Variants in DPP6 observed in about 807,000 individuals in gnomAD.
DPP6 encodes the protein dipeptidyl peptidase like 6, also known as A-type potassium channel modulatory protein DPP6.
A neutral mutation model predicts 122.6 loss-of-function variants in DPP6; 69 were observed. The observed-to-expected ratio is 0.56, with a 90% confidence interval of 0.46 to 0.69. The LOEUF (loss-of-function observed/expected upper bound fraction) is 0.69. Ranked by LOEUF, DPP6 falls within the 30% of genes least tolerant of loss-of-function variation. The pLI, the probability that DPP6 is intolerant of heterozygous loss-of-function variation, is 0.00. For missense variants in DPP6, 928 were observed against 1,116.9 expected (o/e 0.83, Z 2.41); for synonymous variants, 418 against 433.1 (o/e 0.97, Z 0.43).
chr7:154,882,385 G>A (rs1300718407), intron 21 of DPP6, among the ~76,000 whole-genome samples: 4 of 152,204 alleles, frequency 2.6e-5, no homozygotes, highest in African/African-American at 9.7e-5. Flanking sequence ...CAGAGCATAA[G>A]CATCTCTGTT....
intron 1 of DPP6, among the ~76,000 whole-genome samples, chr7:153,965,563 AGC>A (rs1795658200): frequency 6.6e-6 from 1 of 152,020 alleles, no homozygotes; most frequent in South Asian, 2.1e-4. Flanking sequence ...CCCAGGTTGG[AGC>A]ACAGTGGCGC....
chr7:154,173,691 A>C (rs1797651803), intron 1 of DPP6, among the ~76,000 whole-genome samples: 2 of 152,178 alleles, frequency 1.3e-5, no homozygotes, highest in Non-Finnish European at 2.9e-5. Context: ...GTCAGCTGCC[A>C]CATCTGTGTT....
upstream of DPP6, among the ~76,000 whole-genome samples, chr7:153,885,570 G>C (rs1032596592): frequency 2.6e-5 from 4 of 152,058 alleles, no homozygotes; most frequent in Non-Finnish European, 5.9e-5. Flanking sequence ...CCTTGGTCTT[G>C]GACTTCCAGC....
rs1218098378 is a variant in DPP6 at position 154,519,746 on chromosome 7, T to C, written c.458-20786T>C. Among the ~76,000 whole-genome samples, 10 of 152,228 alleles carry C rather than the reference T, an allele frequency of 6.6e-5. No individual in the cohort carries two copies. The East Asian group carries it at 1.9e-3, about 29-fold the overall frequency. On this transcript the variant is annotated intron_variant, in intron 3 of 25. Transcript: ENST00000377770. ...AAGTCAGAAGGACAAGAGTTGTGTA[T>C]AGACAAGCTTTATCATAGATTCTAC...
At chr7:154,307,410 A>G (rs1389308269) in intron 1 of DPP6, among the ~76,000 whole-genome samples, 2 of 152,222 alleles carry the variant, frequency 1.3e-5, no homozygotes, top group Non-Finnish European at 2.9e-5. Flanking sequence ...AGCTGTCCTC[A>G]TCCCATGCAG....
the DPP6 span, among the ~76,000 whole-genome samples, chr7:153,765,415 A>G: frequency 6.6e-6 from 1 of 151,986 alleles, no homozygotes. Flanking sequence ...GGTGGCGGGC[A>G]CCTGTAATCC....
intron 1 of DPP6, among the ~76,000 whole-genome samples, chr7:153,959,262 G>A (rs1290282202): frequency 2.0e-5 from 3 of 151,554 alleles, no homozygotes; most frequent in Non-Finnish European, 4.4e-5. Context: ...CTGGCACATA[G>A]CATGCTCGTT....
intron 1 of DPP6, among the ~76,000 whole-genome samples, chr7:154,218,380 A>G (rs1428055924): frequency 6.6e-6 from 1 of 152,190 alleles, no homozygotes; most frequent in Admixed American, 6.5e-5. Flanking sequence ...CCAAAATATC[A>G]TCTTGATATT....
At chr7:154,822,412 C>T (rs1351146664) in intron 16 of DPP6, among the ~76,000 whole-genome samples, 5 of 152,104 alleles carry the variant, frequency 3.3e-5, no homozygotes, top group African/African-American at 1.2e-4. Flanking sequence ...TTATTAAAAC[C>T]CTAATCCTAT....
chr7:154,754,373 C>T (rs918833635), intron 8 of DPP6, among the ~76,000 whole-genome samples: 2 of 152,142 alleles, frequency 1.3e-5, no homozygotes, highest in Non-Finnish European at 2.9e-5. Flanking sequence ...TTTTTTAAAA[C>T]CCTTGGAAAA....
intron 1 of DPP6, among the ~76,000 whole-genome samples, chr7:153,891,434 G>T (rs1799199430): frequency 6.6e-6 from 1 of 151,762 alleles, no homozygotes; most frequent in Non-Finnish European, 1.5e-5. Context: ...TATACTAAGA[G>T]ATAAATATTT....
intron 1 of DPP6, among the ~76,000 whole-genome samples, chr7:154,097,378 C>T (rs1171313787): frequency 5.3e-5 from 8 of 152,234 alleles, no homozygotes; most frequent in African/African-American, 1.9e-4. Context: ...CACACCTCCA[C>T]TCTCCCGCCG....
chr7:153,891,339 A>AGGGAAG (rs1432603287), intron 1 of DPP6, among the ~76,000 whole-genome samples: 14 of 151,078 alleles, frequency 9.3e-5, no homozygotes, highest in African/African-American at 3.0e-4. Context: ...CTTCTATTTT[A>AGGGAAG]ATTCTTGAGA....
intron 1 of DPP6, among the ~76,000 whole-genome samples, chr7:153,910,743 T>C (rs912866295): frequency 1.3e-5 from 2 of 152,126 alleles, no homozygotes; most frequent in Non-Finnish European, 2.9e-5. Flanking sequence ...ACAGAACCAT[T>C]GTTCATCCTA....
In DPP6 at chr7:154,086,174, G is replaced by C. The variant is rs1031267926; in HGVS notation, c.243+33111G>C. Among the ~76,000 whole-genome samples, 7 of 152,176 alleles carry C rather than the reference G, an allele frequency of 4.6e-5. No individual in the cohort carries two copies. The East Asian group carries it at 1.3e-3, about 29-fold the overall frequency. ...CTTGGAATCCAATGGATCTGAGTCA[G>C]GTCAAGATGAATGAATACAAATATG... On this transcript the variant is annotated intron_variant, in intron 1 of 25. Coordinates refer to ENST00000377770, the MANE Select transcript of DPP6 (RefSeq NM_130797.4).
At chr7:154,793,115 G>A (rs755073869) in intron 10 of DPP6, among the ~76,000 whole-genome samples, 4 of 152,054 alleles carry the variant, frequency 2.6e-5, no homozygotes, top group Non-Finnish European at 5.9e-5. Context: ...TCTCTGGCTC[G>A]CCAGGAATTG....
At chr7:154,042,386 A>C (rs947626658) in intron 1 of DPP6, among the ~76,000 whole-genome samples, 3 of 152,210 alleles carry the variant, frequency 2.0e-5, no homozygotes, top group Non-Finnish European at 4.4e-5. Flanking sequence ...AGAAGAATAC[A>C]TGAACCATGC....
intron 1 of DPP6, among the ~76,000 whole-genome samples, chr7:154,349,129 G>T (rs990296355): frequency 6.6e-6 from 1 of 152,204 alleles, no homozygotes; most frequent in Admixed American, 6.5e-5. Flanking sequence ...GGGGTGACAT[G>T]TGGATTTTAA....
intron 1 of DPP6, among the ~76,000 whole-genome samples, chr7:154,408,275 A>G (rs1816288228): frequency 6.6e-6 from 1 of 152,188 alleles, no homozygotes; most frequent in Non-Finnish European, 1.5e-5. Flanking sequence ...ATGTGTAAAT[A>G]CAGTGTTTTG....
Sources: allele counts gnomAD v4.1 joint callset (sites outside exome capture counted in the v4.1 genomes callset), GRCh38; gene constraint gnomAD v4.1.1; transcripts MANE v1.5; gene names NCBI Gene and HGNC (gene_info 2026-07-23, HGNC 2026-07-21).